CIROP: variants seen among roughly 807,000 people sequenced by gnomAD.
CIROP encodes the protein leishmanolysin homolog.
the CIROP span, chr14:23,101,315 A>G: frequency 3.9e-6 from 2 of 512,784 alleles, no homozygotes; most frequent in South Asian, 3.5e-5. Flanking sequence ...CCAGGAAGGC[A>G]TGGGACCCAA....
At chr14:23,103,783 C>T in the CIROP span, 2 of 702,826 alleles carry the variant, frequency 2.8e-6, no homozygotes, top group Non-Finnish European at 5.2e-6. Context: ...CCTGCTCCGG[C>T]CACAAGGCAT....
chr14:23,102,708 T>C, the CIROP span: 1 of 702,906 alleles, frequency 1.4e-6, no homozygotes, highest in African/African-American at 1.7e-5. Context: ...ATTCATGTAA[T>C]GTGGCCTAAG....
the CIROP span, chr14:23,099,392 T>C: frequency 2.9e-5 from 12 of 413,254 alleles, no homozygotes; most frequent in Non-Finnish European, 4.4e-5. Flanking sequence ...TAGGCTGTGG[T>C]TCCCATTACA....
the CIROP span, chr14:23,101,902 G>A: frequency 1.4e-6 from 1 of 702,268 alleles, no homozygotes; most frequent in Non-Finnish European, 2.6e-6. Flanking sequence ...GCCAAATTCT[G>A]GGCCAGATCC....
chr14:23,102,281 A>C, the CIROP span: 1 of 702,786 alleles, frequency 1.4e-6, no homozygotes, highest in South Asian at 1.5e-5. Context: ...AGGAGGTGGC[A>C]GATGGCTGGT....
the CIROP span, chr14:23,104,675 T>C: frequency 1.4e-6 from 1 of 702,950 alleles, no homozygotes; most frequent in African/African-American, 1.7e-5. Flanking sequence ...TCATCCCTTC[T>C]CCCTCAGGAT....
the CIROP span, among the ~76,000 whole-genome samples, chr14:23,104,013 A>G: frequency 1.3e-5 from 2 of 152,198 alleles, no homozygotes; most frequent in African/African-American, 2.4e-5. Flanking sequence ...AAGAATCTAC[A>G]TCGTTAAGCA....
the CIROP span, chr14:23,103,941 T>A: frequency 2.7e-5 from 16 of 601,902 alleles, no homozygotes; most frequent in South Asian, 2.8e-4. Flanking sequence ...CTGGCTAGAA[T>A]AGAGTTCTGC....
At chr14:23,099,479 TA>T in the CIROP span, 1 of 412,796 alleles carries the variant, frequency 2.4e-6, no homozygotes, top group Non-Finnish European at 4.4e-6. Context: ...TGGTCTGAAG[TA>T]ACCAGCAACC....
At chr14:23,104,740 G>A in the CIROP span, 86 of 703,026 alleles carry the variant, frequency 1.2e-4, no homozygotes, top group African/African-American at 1.3e-3. Context: ...ATTCGTAGGG[G>A]TTGAGGATCA....
the CIROP span, chr14:23,101,831 A>G: frequency 1.4e-6 from 1 of 702,822 alleles, no homozygotes; most frequent in Non-Finnish European, 2.6e-6. Flanking sequence ...CTAACCACTC[A>G]GCACACACAC....
chr14:23,104,966 C>T, the CIROP span: 20 of 650,936 alleles, frequency 3.1e-5, no homozygotes, highest in East Asian at 2.4e-4. Context: ...TCCTGTCTTC[C>T]GTCCCCTTGT....
At chr14:23,101,245 A>C in the CIROP span, 1 of 450,042 alleles carries the variant, frequency 2.2e-6, no homozygotes, top group Non-Finnish European at 3.9e-6. Flanking sequence ...GTATTTCCCG[A>C]CTTCTTTTTG....
the CIROP span, chr14:23,101,318 G>T: frequency 2.0e-6 from 1 of 511,184 alleles, no homozygotes; most frequent in South Asian, 3.6e-5. Context: ...GGAAGGCATG[G>T]GACCCAAGGC....
At chr14:23,102,035 C>A in the CIROP span, 2 of 701,092 alleles carry the variant, frequency 2.9e-6, no homozygotes, top group Admixed American at 4.0e-5. Context: ...CCTCCCACTT[C>A]CCCCAGAGCT....
chr14:23,101,438 G>T, the CIROP span: 1 of 600,194 alleles, frequency 1.7e-6, no homozygotes, highest in Non-Finnish European at 3.0e-6. Context: ...GGATGCCTGG[G>T]CTTATCCCCA....
chr14:23,103,515 C>G, the CIROP span: 1 of 582,032 alleles, frequency 1.7e-6, no homozygotes, highest in African/African-American at 1.9e-5. Flanking sequence ...GATTGGGCCG[C>G]TGTACTCCAG....
the CIROP span, chr14:23,104,882 T>TGGCGGCAGCAGCAGCAGC: frequency 7.6e-6 from 5 of 661,490 alleles, no homozygotes; most frequent in Non-Finnish European, 1.4e-5. Flanking sequence ...TGAGGACTAG[T>TGGCGGCAGCAGCAGCAGC]GGCGGCAGCA....
the CIROP span, chr14:23,104,240 C>T: frequency 1.5e-6 from 1 of 654,922 alleles, no homozygotes. Flanking sequence ...GACTCAATCT[C>T]ACCTTTGCCC....
Sources: allele counts gnomAD v4.1 joint callset (sites outside exome capture counted in the v4.1 genomes callset), GRCh38; gene constraint gnomAD v4.1.1; transcripts MANE v1.5; gene names NCBI Gene and HGNC (gene_info 2026-07-23, HGNC 2026-07-21).